The following PRRC2C variants were observed in gnomAD, a reference collection of about 807,000 sequenced individuals.
PRRC2C encodes proline rich coiled-coil 2C.
In PRRC2C, 72 loss-of-function variants were observed where a neutral mutation model predicts 317.2. The observed-to-expected ratio is 0.23, with a 90% CI of 0.19 to 0.28. The LOEUF (loss-of-function observed/expected upper bound fraction) is 0.28. PRRC2C is among the 10% of genes least tolerant of loss of function. The pLI is 1.00. For missense variants in PRRC2C, 3,074 were observed against 3,459.7 expected, an observed-to-expected ratio of 0.89 and a Z score of 2.80; for synonymous variants, 1,296 against 1,205.9, an observed-to-expected ratio of 1.07 and a Z score of -1.55.
At chr1:171,509,035 T>C (rs10127511) in intron 1 of PRRC2C, among the ~76,000 whole-genome samples, 122,745 of 151,930 alleles carry the variant, frequency 0.81, 49,711 homozygotes, top group Middle Eastern at 0.9. Flanking sequence ...TACAGGCACC[T>C]GCCACCATGC....
At chr1:171,486,373 C>G (rs1301445146) in intron 1 of PRRC2C, among the ~76,000 whole-genome samples, 1 of 152,026 alleles carries the variant, frequency 6.6e-6, no homozygotes, top group Non-Finnish European at 1.5e-5. Context: ...CCGCTCCATC[C>G]TCTAACTTGC....
chr1:171,560,124 A>C (rs980868754), intron 19 of PRRC2C, among the ~76,000 whole-genome samples: 6 of 152,236 alleles, frequency 3.9e-5, no homozygotes. Context: ...TTTGAAAACC[A>C]TGTGGAAAGG....
intron 16 of PRRC2C, among the ~76,000 whole-genome samples, chr1:171,543,159 G>A (rs76626169): frequency 0.041 from 6,195 of 150,228 alleles, 186 homozygotes; most frequent in East Asian, 0.15. Context: ...CACAAGGTCA[G>A]GATATCGAGA....
chr1:171,576,873 G>C (rs1159227791), intron 25 of PRRC2C, among the ~76,000 whole-genome samples: 1 of 152,050 alleles, frequency 6.6e-6, no homozygotes, highest in African/African-American at 2.4e-5. Flanking sequence ...ATTTTGTGTA[G>C]AGACAGGATC....
At chr1:171,525,420 G>A (rs114728460) in intron 10 of PRRC2C, among the ~76,000 whole-genome samples, 1 of 152,158 alleles carries the variant, frequency 6.6e-6, no homozygotes, top group East Asian at 1.9e-4. Flanking sequence ...AAATGTGTGT[G>A]CAACAGATAT....
intron 18 of PRRC2C, among the ~76,000 whole-genome samples, chr1:171,550,954 A>G (rs1309058019): frequency 6.6e-6 from 1 of 152,194 alleles, no homozygotes; most frequent in African/African-American, 2.4e-5. Flanking sequence ...TTATAGTAGC[A>G]TGATTTATAA....
intron 12 of PRRC2C, among the ~76,000 whole-genome samples, chr1:171,534,437 T>C (rs1676439467): frequency 1.3e-5 from 2 of 150,346 alleles, no homozygotes; most frequent in Admixed American, 1.3e-4. Context: ...TAATTTTAGC[T>C]TGTTTATCAG....
intron 24 of PRRC2C, among the ~76,000 whole-genome samples, chr1:171,571,835 A>G (rs1415287250): frequency 6.6e-6 from 1 of 152,174 alleles, no homozygotes; most frequent in Non-Finnish European, 1.5e-5. Context: ...TCTTCCCTGT[A>G]AGTTATGTGT....
intron 28 of PRRC2C, among the ~76,000 whole-genome samples, chr1:171,580,517 C>T (rs1648310490): frequency 6.6e-6 from 1 of 152,174 alleles, no homozygotes; most frequent in Admixed American, 6.5e-5. Context: ...TTTTATTGAA[C>T]TTTCCTTATA....
chr1:171,542,042 G>A lies in PRRC2C; in HGVS notation c.4576G>A (p.Val1526Ile), dbSNP rs371897361. 344 of 1,613,798 alleles carry A rather than the reference G, an allele frequency of 2.1e-4. No homozygotes were observed. Among genetic ancestry groups the A allele is most frequent in the Non-Finnish European group, 2.7e-4 (314 of 1,179,884 alleles). Residue 1526 changes from valine to isoleucine, a missense_variant, in exon 16 of 35, where the codon GTT becomes ATT. Val to Ile is a conservative substitution (Grantham distance 29, BLOSUM62 3). Coordinates refer to ENST00000647382, the MANE Select transcript of PRRC2C (RefSeq NM_001387844.1). ...AAATGCTGACTTGAATGCACAAACA[G>A]TTGTAAAGGTTGGAGAGAATGTTCT... ...KKNADLNAQT[V>I]VKVGENVLPP...
chr1:171,554,696 G>A (rs1057041908), intron 18 of PRRC2C, among the ~76,000 whole-genome samples: 1 of 152,132 alleles, frequency 6.6e-6, no homozygotes, highest in South Asian at 2.1e-4. Context: ...GTCTGTAAAG[G>A]ATTTTATTTC....
intron 5 of PRRC2C, 123 bp downstream of exon 5, chr1:171,515,982 A>G (rs1207141226): frequency 9.6e-7 from 1 of 1,038,322 alleles, no homozygotes; most frequent in Non-Finnish European, 1.3e-6. Context: ...TTTGTACTAT[A>G]GTCACTTGCT....
chr1:171,576,114 C>T (rs958138213), intron 25 of PRRC2C, among the ~76,000 whole-genome samples: 1 of 152,190 alleles, frequency 6.6e-6, no homozygotes. Context: ...CACTTTAAAA[C>T]CCTTCCTAGC....
Position 171,557,496 on chromosome 1 carries a change from T to A in PRRC2C, c.5384T>A (p.Val1795Asp), listed in dbSNP as rs1378434407. ...GTTCCAGCCTCAACTTTAGCTCCAG[T>A]TCTGGCCTCAACCTCAGCTCCAGTT... The part of the protein sequence containing the change: ...APVPASTLAP[V>D]LASTSAPVPA... The change falls in exon 19 of 35, where the codon GTT (valine) becomes GAT (aspartate). Residue 1795 changes from valine to aspartate, a missense_variant. By Grantham distance (152) the Val-to-Asp change is radical (BLOSUM62 -3). Around this residue, in one of 11 missense-constraint regions of PRRC2C, gnomAD observed 640 missense variants for 676.1 expected, o/e 0.95. Transcript: ENST00000647382. 4.5e-6 allele frequency: 7 copies of A among 1,551,306 alleles called. No individual in the cohort carries two copies. The highest frequency in any genetic ancestry group is 6.1e-6 in the Non-Finnish European group (7 of 1,146,888).
In PRRC2C at chr1:171,584,204, G is replaced by T; in HGVS notation, c.7641+17G>T. On this transcript the variant is annotated intron_variant, in intron 29 of 34. Coordinates refer to ENST00000647382, the MANE Select transcript of PRRC2C (RefSeq NM_001387844.1). ...CTTCTCCAGGTAAGTCAGGGGACTA[G>T]AGCAATGCACCCTCATTGTATTCCT... The T allele has an allele frequency of 6.4e-7, 1 of 1,571,828 alleles. No individual in the cohort carries two copies. Among genetic ancestry groups the T allele is most frequent in the South Asian group, 1.1e-5 (1 of 89,900 alleles).
intron 11 of PRRC2C, among the ~76,000 whole-genome samples, chr1:171,528,972 T>C (rs1675256245): frequency 6.6e-6 from 1 of 152,010 alleles, no homozygotes; most frequent in Non-Finnish European, 1.5e-5. Flanking sequence ...GCCAGGCTAA[T>C]TTTTTGCAGA....
intron 28 of PRRC2C, among the ~76,000 whole-genome samples, chr1:171,582,331 T>C (rs974909819): frequency 1.3e-5 from 2 of 152,228 alleles, no homozygotes; most frequent in Admixed American, 1.3e-4. Context: ...CATGTGAAGC[T>C]TCCTTGTATA....
intron 18 of PRRC2C, 36 bp from the exon 19 acceptor site, chr1:171,557,204 A>G (rs1349643084): frequency 2.0e-6 from 3 of 1,510,510 alleles, no homozygotes; most frequent in Non-Finnish European, 1.8e-6. Flanking sequence ...ATTCAGCTGC[A>G]TTATTGACAA....
Position 171,557,718 on chromosome 1 carries a change from C to A in PRRC2C, c.5606C>A (p.Ala1869Asp). Residue 1869 changes from alanine (A) to aspartate (D), a missense_variant, in exon 19 of 35, where the codon GCC becomes GAC. Around this residue, in one of 11 missense-constraint regions of PRRC2C, gnomAD observed 640 missense variants for 676.1 expected, o/e 0.95. Transcript: ENST00000647382. ...GCCTCAATTCCCATTCTTGCTTCAGCCCTAGCATCAACTTCAGCTCCAACG... is the reference window on the plus strand; with the variant it reads ...GCCTCAATTCCCATTCTTGCTTCAGACCTAGCATCAACTTCAGCTCCAACG... ...ASASIPILASALASTSAPTPA... is the reference protein window; with the variant it reads ...ASASIPILASDLASTSAPTPA... 1 of 1,551,606 alleles carries A rather than the reference C, an allele frequency of 6.4e-7. No individual in the cohort carries two copies. The highest frequency in any genetic ancestry group is 1.4e-5 in the African/African-American group (1 of 73,120).
Sources: allele counts gnomAD v4.1 joint callset (sites outside exome capture counted in the v4.1 genomes callset), GRCh38; gene constraint gnomAD v4.1.1; regional missense constraint gnomAD v4.1.1; transcripts MANE v1.5; gene names NCBI Gene and HGNC (gene_info 2026-07-23, HGNC 2026-07-21).